Variants in XKR9 observed in about 807,000 individuals in gnomAD.
XKR9 encodes the protein XK related 9, also known as XK-related protein 9.
XKR9 carries 32 observed loss-of-function variants against 32.0 expected under a neutral mutation model. That is an observed-to-expected ratio of 1.00 (90% CI 0.76 to 1.34). XKR9 has a LOEUF of 1.34. Among genes scored for constraint, XKR9 ranks in the 40% most tolerant of loss-of-function variants. XKR9 has a pLI of 0.00. For synonymous variants in XKR9, 168 were observed against 143.4 expected, an observed-to-expected ratio of 1.17 and a Z score of -1.22; for missense variants, 546 against 429.7, an observed-to-expected ratio of 1.27 and a Z score of -2.39.
the XKR9 span, among the ~76,000 whole-genome samples, chr8:71,022,625 G>T: frequency 2.7e-4 from 41 of 152,184 alleles, no homozygotes; most frequent in South Asian, 8.3e-4. Context: ...ATCTATGCAG[G>T]GATCTCCAAG....
chr8:70,793,530 C>T (rs1385810616), downstream of XKR9, among the ~76,000 whole-genome samples: 1 of 152,054 alleles, frequency 6.6e-6, no homozygotes, highest in Non-Finnish European at 1.5e-5. Flanking sequence ...CAGATGTGGT[C>T]CCTTGACCTT....
intron 4 of XKR9, among the ~76,000 whole-genome samples, chr8:70,729,206 C>T (rs1806578931): frequency 6.6e-6 from 1 of 152,154 alleles, no homozygotes; most frequent in Admixed American, 6.5e-5. Flanking sequence ...ATGCAAATAA[C>T]TATACTGCCG....
At chr8:70,793,284 G>C (rs1807787202), downstream of XKR9, among the ~76,000 whole-genome samples, 1 of 152,078 alleles carries the variant, frequency 6.6e-6, no homozygotes, top group South Asian at 2.1e-4. Context: ...GAAGTATTGA[G>C]AGGTGAGGTC....
chr8:70,853,170 T>C, the XKR9 span, among the ~76,000 whole-genome samples: 2 of 152,086 alleles, frequency 1.3e-5, no homozygotes, highest in Non-Finnish European at 2.9e-5. Context: ...TCTCATGTTC[T>C]CACTTATTTG....
chr8:70,702,800 G>C (rs1205919654), intron 3 of XKR9, among the ~76,000 whole-genome samples: 1 of 152,128 alleles, frequency 6.6e-6, no homozygotes, highest in Non-Finnish European at 1.5e-5. Flanking sequence ...TATGTTTAAA[G>C]AGAGTCCCTT....
At chr8:70,722,844 C>G (rs1295920743) in intron 4 of XKR9, among the ~76,000 whole-genome samples, 3 of 151,930 alleles carry the variant, frequency 2.0e-5, no homozygotes, top group Non-Finnish European at 4.4e-5. Context: ...GTTGGCCTGT[C>G]TTGCTAGGTT....
chr8:70,957,996 C>T, the XKR9 span, among the ~76,000 whole-genome samples: 8 of 151,960 alleles, frequency 5.3e-5, no homozygotes, highest in Non-Finnish European at 8.8e-5. Flanking sequence ...CCATGTTGGC[C>T]AGGCTGGTCT....
At chr8:70,953,913 T>G in the XKR9 span, among the ~76,000 whole-genome samples, 1 of 151,124 alleles carries the variant, frequency 6.6e-6, no homozygotes, top group Admixed American at 6.6e-5. Flanking sequence ...GAGGAAAGAG[T>G]CCAGACAGGA....
At chr8:70,977,553 G>T in the XKR9 span, among the ~76,000 whole-genome samples, 7 of 152,322 alleles carry the variant, frequency 4.6e-5, no homozygotes, top group East Asian at 1.2e-3. Context: ...TTTTGAGTGA[G>T]TTTCTTAATC....
chr8:70,870,827 T>G, the XKR9 span, among the ~76,000 whole-genome samples: 1 of 152,336 alleles, frequency 6.6e-6, no homozygotes, highest in South Asian at 2.1e-4. Context: ...TCAGTGGAAC[T>G]TGAACCATGT....
chr8:71,014,539 T>A, the XKR9 span, among the ~76,000 whole-genome samples: 9 of 152,322 alleles, frequency 5.9e-5, no homozygotes, highest in Middle Eastern at 3.4e-3. Context: ...TCTTTCTATC[T>A]CTTATAAGAA....
intron 2 of XKR9, chr8:70,781,104 T>C: frequency 6.6e-6 from 1 of 152,124 alleles, no homozygotes; most frequent in Non-Finnish European, 1.5e-5. Context: ...ATTATAACCA[T>C]CCTAGTGGGT....
At chr8:70,896,224 A>T in the XKR9 span, among the ~76,000 whole-genome samples, 50 of 151,896 alleles carry the variant, frequency 3.3e-4, no homozygotes, top group African/African-American at 1.1e-3. Flanking sequence ...ACCTCATAAA[A>T]TGAGTTGGGA....
the XKR9 span, among the ~76,000 whole-genome samples, chr8:71,038,530 A>G: frequency 4.6e-5 from 7 of 151,798 alleles, no homozygotes; most frequent in African/African-American, 1.4e-4. Flanking sequence ...CATGTTGGCC[A>G]GGATGGTCTC....
At chr8:70,871,111 C>A in the XKR9 span, among the ~76,000 whole-genome samples, 1 of 152,008 alleles carries the variant, frequency 6.6e-6, no homozygotes, top group East Asian at 1.9e-4. Context: ...AATAATGTTT[C>A]ATGGAAAAAT....
chr8:70,671,017 G>A (rs1414439910), intron 1 of XKR9, among the ~76,000 whole-genome samples: 1 of 152,138 alleles, frequency 6.6e-6, no homozygotes, highest in African/African-American at 2.4e-5. Flanking sequence ...TTATTCTTTG[G>A]CTTAATTAAT....
At chr8:70,995,841 C>A in the XKR9 span, among the ~76,000 whole-genome samples, 1 of 152,140 alleles carries the variant, frequency 6.6e-6, no homozygotes, top group Non-Finnish European at 1.5e-5. Context: ...TTTCACTGAC[C>A]ATTTTCCACT....
the XKR9 span, among the ~76,000 whole-genome samples, chr8:70,809,936 A>G: frequency 1.3e-5 from 2 of 152,190 alleles, no homozygotes; most frequent in Non-Finnish European, 2.9e-5. Flanking sequence ...GGAAATACAG[A>G]GAACACCACA....
chr8:71,027,823 G>A, the XKR9 span, among the ~76,000 whole-genome samples: 1 of 150,928 alleles, frequency 6.6e-6, no homozygotes, highest in African/African-American at 2.4e-5. Flanking sequence ...GGAGGGCAGT[G>A]GTGTGATCAA....
Sources: allele counts gnomAD v4.1 joint callset (sites outside exome capture counted in the v4.1 genomes callset), GRCh38; gene constraint gnomAD v4.1.1; transcripts MANE v1.5; gene names NCBI Gene and HGNC (gene_info 2026-07-23, HGNC 2026-07-21).